NALCN: variants seen among roughly 807,000 people sequenced by gnomAD.
The protein encoded by NALCN is sodium leak channel, non-selective.
NALCN carries 111 observed loss-of-function variants against 225.3 expected under a neutral mutation model. That is an observed-to-expected ratio of 0.49 (90% CI 0.42 to 0.58). The LOEUF (loss-of-function observed/expected upper bound fraction) is 0.58, where lower values mean the gene tolerates loss of function less well. Among genes scored for constraint, NALCN ranks in the 20% least tolerant of loss-of-function variants. The probability of loss-of-function intolerance (pLI) is 0.00; values close to 1 mark genes in which losing one functional copy is unlikely to be tolerated. For synonymous variants in NALCN, 764 were observed against 769.0 expected (o/e 0.99, Z 0.11); for missense variants, 1,378 against 2,202.4 (o/e 0.63, Z 7.49).
intron 2 of NALCN, among the ~76,000 whole-genome samples, chr13:101,397,066 T>TCATATATA (rs1555346458): frequency 1.8e-4 from 10 of 56,400 alleles, no homozygotes; most frequent in Non-Finnish European, 2.8e-4. Context: ...TATGAATGTA[T>TCATATATA]TATATATATA....
At chr13:101,415,228 T>TACATAC (rs1555349523) in intron 1 of NALCN, among the ~76,000 whole-genome samples, 26 of 129,300 alleles carry the variant, frequency 2.0e-4, no homozygotes, top group Non-Finnish European at 3.4e-4. Context: ...TATATATACA[T>TACATAC]ACATATATAT....
At chr13:101,143,344 G>C (rs2037188643) in intron 16 of NALCN, 123 bp from the exon 17 acceptor site, 1 of 945,336 alleles carries the variant, frequency 1.1e-6, no homozygotes, top group East Asian at 2.8e-5. Flanking sequence ...TAGAAAACTA[G>C]ATCATGACTA....
intron 37 of NALCN, among the ~76,000 whole-genome samples, chr13:101,070,063 G>GATTTTTTTTT (rs2032740542): frequency 1.0e-5 from 1 of 98,314 alleles, no homozygotes; most frequent in Non-Finnish European, 1.8e-5. Context: ...AATCATGAAT[G>GATTTTTTTTT]TTTTTTTTTT....
chr13:101,396,893 G>GA (rs1222408354), intron 2 of NALCN, among the ~76,000 whole-genome samples: 1 of 151,408 alleles, frequency 6.6e-6, no homozygotes, highest in Non-Finnish European at 1.5e-5. Flanking sequence ...TCTGTAATAA[G>GA]ATGGACACTA....
At chr13:101,277,396 A>T (rs1011731771) in intron 10 of NALCN, among the ~76,000 whole-genome samples, 1 of 152,136 alleles carries the variant, frequency 6.6e-6, no homozygotes, top group African/African-American at 2.4e-5. Flanking sequence ...AATATATGAA[A>T]ATACTATTTT....
At chr13:101,291,899 C>G in intron 9 of NALCN, 91 bp downstream of exon 9, 3 of 1,272,404 alleles carry the variant, frequency 2.4e-6, no homozygotes, top group South Asian at 2.5e-5. Context: ...AGAAGCCCAT[C>G]ATGCAAGAGC....
intron 6 of NALCN, among the ~76,000 whole-genome samples, chr13:101,347,916 C>T (rs1341708143): frequency 6.6e-6 from 1 of 152,014 alleles, no homozygotes; most frequent in Non-Finnish European, 1.5e-5. Flanking sequence ...GCATAAATCC[C>T]AGCATGTAAA....
At chr13:101,147,921 T>C (rs1594307576) in intron 15 of NALCN, among the ~76,000 whole-genome samples, 1 of 152,276 alleles carries the variant, frequency 6.6e-6, no homozygotes, top group East Asian at 1.9e-4. Flanking sequence ...CTTTTTCTCT[T>C]GAACTCCATC....
At chr13:101,399,708 G>A (rs1353132106) in intron 1 of NALCN, among the ~76,000 whole-genome samples, 1 of 152,150 alleles carries the variant, frequency 6.6e-6, no homozygotes, top group East Asian at 1.9e-4. Flanking sequence ...AAATGGAGAT[G>A]TTGTTTTATG....
At chr13:101,058,502 A>C (rs1241873665) in intron 42 of NALCN, 1 of 168,530 alleles carries the variant, frequency 5.9e-6, no homozygotes, top group East Asian at 1.8e-4. Context: ...AAGCTGTATG[A>C]TGGGCCCTGG....
chr13:101,060,485 C>T (rs1420213418), intron 41 of NALCN, among the ~76,000 whole-genome samples: 1 of 118,546 alleles, frequency 8.4e-6, no homozygotes, highest in Non-Finnish European at 1.7e-5. Flanking sequence ...GAGAGGAGGT[C>T]TCACTCTGTT....
intron 7 of NALCN, among the ~76,000 whole-genome samples, chr13:101,308,286 C>G (rs2044220514): frequency 6.6e-6 from 1 of 152,198 alleles, no homozygotes; most frequent in Non-Finnish European, 1.5e-5. Flanking sequence ...CTAGAATTTC[C>G]TGCAAGGAGT....
At chr13:101,359,055 A>G (rs1262218304) in intron 6 of NALCN, among the ~76,000 whole-genome samples, 4 of 152,108 alleles carry the variant, frequency 2.6e-5, no homozygotes, top group Non-Finnish European at 5.9e-5. Flanking sequence ...GAGGGAGAGC[A>G]TTAGGACAAA....
chr13:101,273,996 T>C (rs2042892272), intron 10 of NALCN, among the ~76,000 whole-genome samples: 1 of 151,730 alleles, frequency 6.6e-6, no homozygotes, highest in Non-Finnish European at 1.5e-5. Context: ...CAGGACACCA[T>C]TTCGTGTCAT....
intron 7 of NALCN, among the ~76,000 whole-genome samples, chr13:101,309,282 CATTCTTGAAAGGACTA>C (rs1428609075): frequency 1.3e-5 from 2 of 152,166 alleles, no homozygotes; most frequent in East Asian, 3.8e-4. Flanking sequence ...AAGAAATTCA[CATTCTTGAAAGGACTA>C]CCAAGCCTGC....
chr13:101,162,274 G>C (rs879903406), intron 15 of NALCN, among the ~76,000 whole-genome samples: 1 of 152,140 alleles, frequency 6.6e-6, no homozygotes, highest in African/African-American at 2.4e-5. Context: ...AGACCAGAAG[G>C]CTCCATGGGA....
chr13:101,097,247 G>A (rs527625741), intron 27 of NALCN, among the ~76,000 whole-genome samples: 2 of 152,258 alleles, frequency 1.3e-5, no homozygotes, highest in Non-Finnish European at 2.9e-5. Context: ...CACAATGAAC[G>A]TTTTGGAGTA....
At chr13:101,296,795 T>C (rs1486250284) in intron 7 of NALCN, among the ~76,000 whole-genome samples, 1 of 152,208 alleles carries the variant, frequency 6.6e-6, no homozygotes, top group African/African-American at 2.4e-5. Flanking sequence ...GTGCAAGAAA[T>C]GCAATCACAA....
chr13:101,406,213 C>A (rs138274705), intron 1 of NALCN, among the ~76,000 whole-genome samples: 13,522 of 151,570 alleles, frequency 0.089, 756 homozygotes, highest in African/African-American at 0.15. Flanking sequence ...GTAGTCCCAG[C>A]TACTCAGGAG....
Sources: gnomAD v4.1 joint callset for allele counts (sites outside exome capture counted in the v4.1 genomes callset) on GRCh38, gnomAD v4.1.1 for gene constraint, MANE v1.5 for transcripts, NCBI Gene and HGNC (gene_info 2026-07-23, HGNC 2026-07-21) for gene names.